The following WDR43 variants were observed in gnomAD, a reference collection of about 807,000 sequenced individuals.
WDR43 encodes the protein WD repeat domain 43, also known as WD repeat-containing protein 43.
A neutral mutation model predicts 91.4 loss-of-function variants in WDR43; 13 were observed. That is an observed-to-expected ratio of 0.14 (90% CI 0.09 to 0.23). WDR43 has a LOEUF of 0.23. WDR43 is among the 10% of genes least tolerant of loss of function. WDR43 has a pLI of 1.00. For synonymous variants in WDR43, 331 were observed against 287.9 expected, an observed-to-expected ratio of 1.15 and a Z score of -1.51; for missense variants, 780 against 809.4, an observed-to-expected ratio of 0.96 and a Z score of 0.44.
rs376507872 is a variant in WDR43 at position 28,899,986 on chromosome 2, C to G, written c.226-2001C>G. Among the ~76,000 whole-genome samples the G allele has an allele frequency of 9.9e-5, 15 of 152,190 alleles. No homozygotes were observed. The South Asian group carries it at 3.1e-3, about 32-fold the overall frequency. ...CAAAAAATACAGAGATTTGCAGATG[C>G]AGAAATTAAGGCTTTGACTATGTTA... On this transcript the variant is annotated intron_variant, in intron 1 of 17. Coordinates refer to ENST00000407426, the MANE Select transcript of WDR43 (RefSeq NM_015131.3).
At chr2:28,906,012 G>C (rs1670671198) in intron 2 of WDR43, among the ~76,000 whole-genome samples, 1 of 152,142 alleles carries the variant, frequency 6.6e-6, no homozygotes, top group East Asian at 1.9e-4. Context: ...AAAGGTTAAA[G>C]CTTTTAGTTA....
chr2:28,918,280 T>G (rs912444799), intron 6 of WDR43, among the ~76,000 whole-genome samples: 1 of 152,202 alleles, frequency 6.6e-6, no homozygotes, highest in African/African-American at 2.4e-5. Flanking sequence ...TATATATGAT[T>G]CTTTAATCAG....
intron 1 of WDR43, among the ~76,000 whole-genome samples, chr2:28,901,000 TG>T (rs1670569878): frequency 6.6e-6 from 1 of 152,230 alleles, no homozygotes. Context: ...TGGTTGTCAT[TG>T]GTTTTTCTTG....
intron 2 of WDR43, chr2:28,904,878 A>G (rs1670648950): frequency 6.6e-6 from 1 of 152,240 alleles, no homozygotes; most frequent in African/African-American, 2.4e-5. Flanking sequence ...TTCATTGTAT[A>G]CGTATTTACT....
intron 7 of WDR43, among the ~76,000 whole-genome samples, chr2:28,923,721 C>T (rs1671079434): frequency 6.6e-6 from 1 of 152,096 alleles, no homozygotes; most frequent in African/African-American, 2.4e-5. Flanking sequence ...TTGAGTTCTG[C>T]TCCTATAGGT....
chr2:28,928,662 G>A lies in WDR43; in HGVS notation c.1306-917G>A, dbSNP rs111322287. Reference sequence around the variant, plus strand: ...AGGAATCAGTTCTATACAATTGAGGGTGTTTGTTGTTGTTTTTGTTTGTTT... The same window carrying A: ...AGGAATCAGTTCTATACAATTGAGGATGTTTGTTGTTGTTTTTGTTTGTTT... On this transcript the variant is annotated intron_variant, in intron 10 of 17. Coordinates refer to ENST00000407426, the MANE Select transcript of WDR43 (RefSeq NM_015131.3). 1.4e-3 allele frequency among the ~76,000 whole-genome samples: 215 copies of A among 152,182 alleles called. 1 individual carries two copies. The highest frequency in any genetic ancestry group is 4.9e-3 in the African/African-American group (203 of 41,540).
chr2:28,941,657 GTCTTGCTCTGTCGC>G, intron 15 of WDR43, 83 bp downstream of exon 15: 1 of 1,052,176 alleles, frequency 9.5e-7, no homozygotes, highest in Non-Finnish European at 1.4e-6. Context: ...TTGAGACAGG[GTCTTGCTCTGTCGC>G]TCAGGCTGCA....
chr2:28,908,604 G>T (rs1191019262), intron 3 of WDR43, among the ~76,000 whole-genome samples: 1 of 80,444 alleles, frequency 1.2e-5, no homozygotes, highest in Non-Finnish European at 3.0e-5. Flanking sequence ...AGCCTGTGAG[G>T]TGAACTTTAG....
chr2:28,941,591 G>A lies in WDR43; in HGVS notation c.1734+17G>A, dbSNP rs376209358. The A allele has an allele frequency of 1.3e-6, 2 of 1,574,888 alleles. No homozygotes were observed. The highest frequency in any genetic ancestry group is 1.1e-5 in the South Asian group (1 of 87,550). ...ATTACACAAGTGAGTAAATCATATT[G>A]TTCTGGGCTAAAACTTTTGGACATG... On this transcript the variant is annotated intron_variant, in intron 15 of 17. Coordinates refer to ENST00000407426, the MANE Select transcript of WDR43 (RefSeq NM_015131.3).
In WDR43 at chr2:28,914,117, A is replaced by C. The variant is rs772940338; in HGVS notation, c.655A>C (p.Ile219Leu). 2 of 1,613,978 alleles carry C rather than the reference A, an allele frequency of 1.2e-6. No homozygotes were observed. The highest frequency in any genetic ancestry group is 2.2e-5 in the South Asian group (2 of 91,078). ...AGTTTCGTCACTGATGTTCACTACC[A>C]TCAGACCTCCTAATGAGAGCCAGCC... Reference protein sequence around the residue: ...TPVSSLMFTTIRPPNESQPFD... With the variant: ...TPVSSLMFTTLRPPNESQPFD... Residue 219 changes from isoleucine to leucine, a missense_variant, in exon 5 of 18, where the codon ATC (isoleucine) becomes CTC (leucine). Around this residue, in one of 4 missense-constraint regions of WDR43, gnomAD observed 174 missense variants for 207.3 expected, o/e 0.84. Coordinates refer to ENST00000407426, the MANE Select transcript of WDR43 (RefSeq NM_015131.3).
Position 28,922,915 on chromosome 2 carries a change from T to C in WDR43, c.850-4T>C. The stretch of plus-strand genomic sequence containing the variant: ...ATAATACGTTGGTTACATTTTTCTT[T>C]TAGCCTGTCAAGTTGGCTGTTGTTT... On this transcript the variant is annotated splice_polypyrimidine_tract_variant and splice_region_variant and intron_variant, in intron 6 of 17. Transcript: ENST00000407426. 6.2e-7 allele frequency: 1 copy of C among 1,611,262 alleles called. No individual in the cohort carries two copies. The highest frequency in any genetic ancestry group is 1.7e-5 in the Admixed American group (1 of 59,552).
chr2:28,914,040 T>G (rs779191376), intron 4 of WDR43, 29 bp from the exon 5 acceptor site: 17 of 1,609,438 alleles, frequency 1.1e-5, no homozygotes, highest in Non-Finnish European at 1.4e-5. Flanking sequence ...TTGAATCTGC[T>G]CTCCTAACTG....
At chr2:28,941,043 C>T (rs1017202790) in intron 14 of WDR43, among the ~76,000 whole-genome samples, 8 of 152,094 alleles carry the variant, frequency 5.3e-5, no homozygotes, top group Non-Finnish European at 1.0e-4. Context: ...TCTTTGGGGC[C>T]TTACAGTAAG....
At chr2:28,915,489 A>G (rs924324443) in intron 5 of WDR43, among the ~76,000 whole-genome samples, 6 of 152,244 alleles carry the variant, frequency 3.9e-5, no homozygotes, top group African/African-American at 1.4e-4. Context: ...ATTTCATTAA[A>G]TAAAATAAAA....
chr2:28,933,830 C>T (rs888362598), intron 11 of WDR43, among the ~76,000 whole-genome samples: 21 of 152,120 alleles, frequency 1.4e-4, no homozygotes, highest in African/African-American at 5.1e-4. Flanking sequence ...GAAAGACAGA[C>T]AATAATACCA....
At chr2:28,925,252 A>G in intron 8 of WDR43, 99 bp downstream of exon 8, 1 of 1,168,986 alleles carries the variant, frequency 8.6e-7, no homozygotes, top group Non-Finnish European at 1.1e-6. Flanking sequence ...AAGATAAATA[A>G]TATATTCTTT....
chr2:28,947,458 A>G lies in WDR43; in HGVS notation c.*679A>G, dbSNP rs1671564267. The stretch of plus-strand genomic sequence containing the variant: ...CAAAAATTATGGTCATTAAAAAACT[A>G]GAGAATTAGCCATATTAAGGATTTT... On this transcript the variant is annotated 3_prime_UTR_variant, in exon 18 of 18. Coordinates refer to ENST00000407426, the MANE Select transcript of WDR43 (RefSeq NM_015131.3). The G allele has an allele frequency of 6.6e-6, 1 of 152,190 alleles. No homozygotes were observed. 9.4% of individuals were successfully genotyped at this position (152,190 alleles called of 1,614,324 possible).
intron 14 of WDR43, among the ~76,000 whole-genome samples, chr2:28,940,434 T>A (rs1572604276): frequency 1.3e-5 from 2 of 152,106 alleles, no homozygotes. Context: ...TTCTCCATGT[T>A]GGTCAGGCTG....
rs911003408 is a variant in WDR43 at position 28,947,569 on chromosome 2, A to G, written c.*790A>G. On this transcript the variant is annotated 3_prime_UTR_variant, in exon 18 of 18. Transcript: ENST00000407426. ...TGCAACTTTTAAAAAAAATTCAGTTATAGCTGCTTTTGAAGAGGTTTCCAT... is the reference window on the plus strand; with the variant it reads ...TGCAACTTTTAAAAAAAATTCAGTTGTAGCTGCTTTTGAAGAGGTTTCCAT... 1 of 152,150 alleles carries G rather than the reference A, an allele frequency of 6.6e-6. No homozygotes were observed. The highest frequency in any genetic ancestry group is 2.4e-5 in the African/African-American group (1 of 41,450). 9.4% of individuals were successfully genotyped at this position (152,150 alleles called of 1,614,324 possible).
Sources: gnomAD v4.1 joint callset for allele counts (sites outside exome capture counted in the v4.1 genomes callset) on GRCh38, gnomAD v4.1.1 for gene constraint, gnomAD v4.1.1 regional missense constraint, MANE v1.5 for transcripts, NCBI Gene and HGNC (gene_info 2026-07-23, HGNC 2026-07-21) for gene names.